The following TMEM163 variants were observed in gnomAD, a reference collection of about 807,000 sequenced individuals.
The protein encoded by TMEM163 is transmembrane protein 163.
In TMEM163, 17 loss-of-function variants were observed where a neutral mutation model predicts 29.3. That is an observed-to-expected ratio of 0.58 (90% CI 0.40 to 0.87). The LOEUF is 0.87. TMEM163 is among the 40% of genes least tolerant of loss of function. The pLI, the probability that TMEM163 is intolerant of heterozygous loss-of-function variation, is 0.00. For synonymous variants in TMEM163, 157 were observed against 160.6 expected (o/e 0.98, Z 0.17); for missense variants, 303 against 381.5 (o/e 0.79, Z 1.71).
intron 3 of TMEM163, among the ~76,000 whole-genome samples, chr2:134,551,310 C>A (rs1321286600): frequency 6.6e-6 from 1 of 151,706 alleles, no homozygotes; most frequent in Non-Finnish European, 1.5e-5. Flanking sequence ...TGCCTTTTTC[C>A]TGGATGGTCC....
intron 2 of TMEM163, among the ~76,000 whole-genome samples, chr2:134,554,551 C>T (rs188862167): frequency 4.6e-5 from 7 of 152,192 alleles, no homozygotes; most frequent in Admixed American, 6.5e-5. Flanking sequence ...TCACTTCCCC[C>T]GACTCGCTAT....
intron 2 of TMEM163, among the ~76,000 whole-genome samples, chr2:134,623,514 TCC>T (rs1335193333): frequency 6.6e-6 from 1 of 152,188 alleles, no homozygotes; most frequent in Non-Finnish European, 1.5e-5. Context: ...ACGCCTGTAA[TCC>T]CAGCACTTTG....
chr2:134,470,596 G>GTGTCACGCAAAGCTGCAGGC (rs1213015213), intron 5 of TMEM163, among the ~76,000 whole-genome samples: 1 of 152,198 alleles, frequency 6.6e-6, no homozygotes, highest in Non-Finnish European at 1.5e-5. Flanking sequence ...CCATCTCTGA[G>GTGTCACGCAAAGCTGCAGGC]TGTCACGCAA....
intron 2 of TMEM163, among the ~76,000 whole-genome samples, chr2:134,565,879 T>C (rs1257816392): frequency 6.6e-6 from 1 of 152,146 alleles, no homozygotes; most frequent in Non-Finnish European, 1.5e-5. Flanking sequence ...TTGTATAAAG[T>C]TCAAAAATAG....
At chr2:134,477,176 T>C (rs1188006966) in intron 5 of TMEM163, among the ~76,000 whole-genome samples, 2 of 152,176 alleles carry the variant, frequency 1.3e-5, no homozygotes, top group African/African-American at 4.8e-5. Flanking sequence ...CCAGTGTCAG[T>C]CGCACTGCTG....
intron 4 of TMEM163, among the ~76,000 whole-genome samples, chr2:134,519,431 G>A (rs1471639430): frequency 1.3e-5 from 2 of 152,142 alleles, no homozygotes; most frequent in Non-Finnish European, 2.9e-5. Context: ...ACACAAATGA[G>A]GTCAGAGCAG....
In TMEM163 at chr2:134,554,294, C is replaced by T. The variant is rs1012102275; in HGVS notation, c.323-2203G>A. Among the ~76,000 whole-genome samples, 7 of 151,842 alleles carry T rather than the reference C, an allele frequency of 4.6e-5. 1 individual carries two copies. The highest frequency in any genetic ancestry group is 2.1e-4 in the South Asian group (1 of 4,788). ...AAAAAGAATAAGCCGGGCGTGGTGG[C>T]GTGTGCCTGTAGTCCCAGCTGCTCG... is the stretch of plus-strand genomic sequence containing the variant. On this transcript the variant is annotated intron_variant, in intron 2 of 7. Coordinates refer to ENST00000281924, the MANE Select transcript of TMEM163 (RefSeq NM_030923.5).
intron 5 of TMEM163, chr2:134,469,183 C>A (rs1253540811): frequency 6.6e-6 from 1 of 152,034 alleles, no homozygotes; most frequent in East Asian, 1.9e-4. Flanking sequence ...GAGACCAGGA[C>A]TGAGCTCCAC....
chr2:134,686,594 G>A (rs1684356569), intron 2 of TMEM163, among the ~76,000 whole-genome samples: 1 of 152,086 alleles, frequency 6.6e-6, no homozygotes, highest in South Asian at 2.1e-4. Context: ...AAAGGAGGTA[G>A]AATCATAGCA....
rs1224638396 is a variant in TMEM163, at chr2:134,468,420, G to A, written c.556-2195C>T. On this transcript the variant is annotated intron_variant, in intron 5 of 7. Transcript: ENST00000281924. ...GCCTCCAGAACTGTGAGATGGAAGTGTCTGTGGTTTATAAGCCACCCAGTC... is the reference window on the plus strand; with the variant it reads ...GCCTCCAGAACTGTGAGATGGAAGTATCTGTGGTTTATAAGCCACCCAGTC... 2.6e-5 allele frequency: 4 copies of A among 152,312 alleles called. 1 individual carries two copies. Among genetic ancestry groups the A allele is most frequent in the Non-Finnish European group, 5.9e-5 (4 of 68,114 alleles). The allele number at this position is 152,312 out of a possible 1,614,324, so 9.4% of individuals were successfully genotyped here. A position where few individuals can be genotyped will look rare whatever the true frequency, so the allele number is the denominator to read the frequency against.
intron 6 of TMEM163, chr2:134,458,431 G>T: frequency 2.1e-6 from 1 of 487,176 alleles, no homozygotes; most frequent in South Asian, 2.4e-5. Context: ...CGCCATATGT[G>T]GTTTATAGCT....
chr2:134,624,004 C>T (rs1282814599), intron 2 of TMEM163, among the ~76,000 whole-genome samples: 2 of 152,210 alleles, frequency 1.3e-5, no homozygotes, highest in African/African-American at 4.8e-5. Context: ...CAGAAACCTT[C>T]CGCCCCAGAA....
At chr2:134,647,217 A>G (rs1055261149) in intron 2 of TMEM163, among the ~76,000 whole-genome samples, 1 of 152,248 alleles carries the variant, frequency 6.6e-6, no homozygotes, top group Non-Finnish European at 1.5e-5. Flanking sequence ...CTTCCAGTTC[A>G]TTAGTCAAAA....
Position 134,576,995 on chromosome 2 carries a change from G to A in TMEM163, c.323-24904C>T, listed in dbSNP as rs193037468. On this transcript the variant is annotated intron_variant, in intron 2 of 7. Coordinates refer to ENST00000281924, the MANE Select transcript of TMEM163 (RefSeq NM_030923.5). ...TCCCAACTATTGTCTGCCATGTTCC[G>A]ATTCCTCTGGCCTGGAAGCTCCAGG... Among the ~76,000 whole-genome samples the A allele has an allele frequency of 6.6e-5, 10 of 152,172 alleles. No individual in the cohort carries two copies. In the East Asian group the frequency reaches 1.9e-3, roughly 29 times the overall value.
chr2:134,569,530 A>C (rs1403374823), intron 2 of TMEM163, among the ~76,000 whole-genome samples: 1 of 152,200 alleles, frequency 6.6e-6, no homozygotes, highest in African/African-American at 2.4e-5. Context: ...AGCCACATTC[A>C]TCCTTGTAGT....
chr2:134,557,856 T>C (rs1280294406), intron 2 of TMEM163, among the ~76,000 whole-genome samples: 1 of 152,204 alleles, frequency 6.6e-6, no homozygotes, highest in Non-Finnish European at 1.5e-5. Flanking sequence ...GTAGCTATCT[T>C]ATTTAGGAAT....
rs1680119526 is a variant in TMEM163 at position 134,518,391 on chromosome 2, TA to T, written c.459-15395del. Among the ~76,000 whole-genome samples, 11 of 152,326 alleles carry T rather than the reference TA, an allele frequency of 7.2e-5. No homozygotes were observed. The South Asian group carries it at 2.3e-3, about 32-fold the overall frequency. On this transcript the variant is annotated intron_variant, in intron 4 of 7. Transcript: ENST00000281924. ...TTTGTGCCTCAATCACTAGTACAAG[TA>T]AAAGATCACAATCACACCATCTCAA... is the stretch of plus-strand genomic sequence containing the variant.
At position 134,510,402 on chromosome 2, in the gene TMEM163, T is replaced by C. The variant is rs560424951; in HGVS notation, c.459-7405A>G. ...CATTTTAAGCAAAGGAGACCCATGA[T>C]GTGATCTGGGCTTTGCAAAGACCCT... On this transcript the variant is annotated intron_variant, in intron 4 of 7. Coordinates refer to ENST00000281924, the MANE Select transcript of TMEM163 (RefSeq NM_030923.5). 7.1e-4 allele frequency among the ~76,000 whole-genome samples: 108 copies of C among 152,220 alleles called. 1 individual carries two copies. Among genetic ancestry groups the C allele is most frequent in the Admixed American group, 1.4e-3 (21 of 15,286 alleles).
chr2:134,600,167 C>T (rs1574270424), intron 2 of TMEM163, among the ~76,000 whole-genome samples: 1 of 152,270 alleles, frequency 6.6e-6, no homozygotes, highest in East Asian at 1.9e-4. Context: ...AAATAACATA[C>T]AACTGTGACA....
Sources: allele counts gnomAD v4.1 joint callset (sites outside exome capture counted in the v4.1 genomes callset), GRCh38; gene constraint gnomAD v4.1.1; transcripts MANE v1.5; gene names NCBI Gene and HGNC (gene_info 2026-07-23, HGNC 2026-07-21).